ASIC5: variants seen among roughly 807,000 people sequenced by gnomAD.
ASIC5 encodes the protein bile acid-sensitive ion channel.
A neutral mutation model predicts 51.2 loss-of-function variants in ASIC5; 52 were observed. The ratio of observed to expected loss-of-function variants is 1.02; its 90% CI spans 0.81 to 1.28. The LOEUF (loss-of-function observed/expected upper bound fraction) is 1.28. Ranked by LOEUF, ASIC5 falls within the 50% of genes most tolerant of loss-of-function variation. The pLI, the probability that ASIC5 is intolerant of heterozygous loss-of-function variation, is 0.00. For missense variants in ASIC5, 635 were observed against 595.0 expected (o/e 1.07, Z -0.70); for synonymous variants, 231 against 200.7 (o/e 1.15, Z -1.28).
intron 2 of ASIC5, 123 bp downstream of exon 2, chr4:155,863,325 A>G: frequency 1.3e-6 from 1 of 741,084 alleles, no homozygotes; most frequent in Non-Finnish European, 2.1e-6. Context: ...ATTTAAGTGC[A>G]ATTTAATTCA....
intron 2 of ASIC5, among the ~76,000 whole-genome samples, chr4:155,856,373 G>A (rs1324809319): frequency 2.6e-5 from 4 of 151,956 alleles, no homozygotes; most frequent in Admixed American, 2.0e-4. Flanking sequence ...TCAAGGTAGG[G>A]CATACACAAA....
At chr4:155,844,393 C>T (rs906070777) in intron 4 of ASIC5, among the ~76,000 whole-genome samples, 1 of 152,184 alleles carries the variant, frequency 6.6e-6, no homozygotes. Context: ...CTACCTGCTT[C>T]TGCATCGGCA....
Position 155,830,868 on chromosome 4 carries a change from C to T in ASIC5, c.1328-822G>A, listed in dbSNP as rs78731477. ...CATTATTAATCATTATCTCATTGCCCTAGGCCATTCTTAGGACCATTCCGT... is the reference window on the plus strand; with the variant it reads ...CATTATTAATCATTATCTCATTGCCTTAGGCCATTCTTAGGACCATTCCGT... On this transcript the variant is annotated intron_variant, in intron 9 of 9. Transcript: ENST00000537611. Among the ~76,000 whole-genome samples the T allele has an allele frequency of 3.7e-4, 57 of 152,268 alleles. 1 individual carries two copies. In the East Asian group the frequency reaches 0.011, roughly 29 times the overall value.
At chr4:155,864,203 G>GGGC (rs1741798472) in intron 1 of ASIC5, among the ~76,000 whole-genome samples, 1 of 152,154 alleles carries the variant, frequency 6.6e-6, no homozygotes, top group African/African-American at 2.4e-5. Flanking sequence ...ACTAATGTTT[G>GGGC]TCCTATGGTG....
Position 155,829,903 on chromosome 4 carries a change from G to A in ASIC5, c.1471C>T (p.Pro491Ser). ...KISEMTQWTP[P>S]PQNHLGNKNR... is the part of the protein sequence containing the mutation. Reference sequence around the variant, plus strand: ...TTATTTCCCAGATGATTCTGAGGTGGAGGAGTCCACTGGGTCATTTCAGAT... The same window carrying A: ...TTATTTCCCAGATGATTCTGAGGTGAAGGAGTCCACTGGGTCATTTCAGAT... The change falls in exon 10 of 10, where the codon CCA (proline) becomes TCA (serine). Residue 491 changes from proline (P) to serine (S), a missense_variant. Coordinates refer to ENST00000537611, the MANE Select transcript of ASIC5 (RefSeq NM_017419.3). 1 of 1,601,906 alleles carries A rather than the reference G, an allele frequency of 6.2e-7. No individual in the cohort carries two copies. Among genetic ancestry groups the A allele is most frequent in the African/African-American group, 1.3e-5 (1 of 74,328 alleles).
At chr4:155,844,736 T>C (rs1741201030) in intron 4 of ASIC5, among the ~76,000 whole-genome samples, 1 of 152,072 alleles carries the variant, frequency 6.6e-6, no homozygotes, top group Non-Finnish European at 1.5e-5. Context: ...CCTAAGCCTT[T>C]TGGGGCATTC....
At chr4:155,851,271 T>C (rs1579292993) in intron 4 of ASIC5, among the ~76,000 whole-genome samples, 2 of 152,048 alleles carry the variant, frequency 1.3e-5, no homozygotes, top group Admixed American at 6.6e-5. Context: ...TGTAGGTACA[T>C]GCATTAAAGT....
intron 8 of ASIC5, among the ~76,000 whole-genome samples, chr4:155,832,956 C>A (rs1268814304): frequency 6.6e-6 from 1 of 152,086 alleles, no homozygotes; most frequent in African/African-American, 2.4e-5. Context: ...CTGAGAACAA[C>A]CCTCCCTGAC....
intron 9 of ASIC5, 83 bp from the exon 10 acceptor site, chr4:155,830,129 AAT>A (rs759376310): frequency 1.3e-5 from 12 of 898,736 alleles, no homozygotes; most frequent in Non-Finnish European, 2.0e-5. Flanking sequence ...GTTGAAGCAA[AAT>A]AGAGTCATAA....
intron 6 of ASIC5, among the ~76,000 whole-genome samples, chr4:155,841,578 C>G (rs1741122212): frequency 6.6e-6 from 1 of 152,072 alleles, no homozygotes; most frequent in Admixed American, 6.6e-5. Flanking sequence ...GGAAAAGTTG[C>G]AAATTGTATG....
intron 6 of ASIC5, among the ~76,000 whole-genome samples, chr4:155,841,852 C>T (rs6833338): frequency 0.1 from 15,331 of 151,978 alleles, 1,241 homozygotes; most frequent in African/African-American, 0.22. Context: ...GAAGTTGTAC[C>T]TGGCAAATGG....
intron 8 of ASIC5, 59 bp from the exon 9 acceptor site, chr4:155,831,974 C>T (rs1200856139): frequency 3.1e-5 from 27 of 884,586 alleles, no homozygotes; most frequent in Non-Finnish European, 3.6e-5. Flanking sequence ...TTTTAATTCC[C>T]GTCGAATAAA....
At chr4:155,845,821 T>C (rs1177312231) in intron 4 of ASIC5, among the ~76,000 whole-genome samples, 2 of 152,122 alleles carry the variant, frequency 1.3e-5, no homozygotes, top group African/African-American at 4.8e-5. Context: ...TTTGCTATTT[T>C]ATTTTCACCT....
chr4:155,863,876 A>G, intron 1 of ASIC5, 122 bp from the exon 2 acceptor site: 1 of 788,402 alleles, frequency 1.3e-6, no homozygotes, highest in South Asian at 1.9e-5. Flanking sequence ...TGTAATTCAT[A>G]GAAACTAAAA....
chr4:155,843,566 G>C, intron 5 of ASIC5, 115 bp downstream of exon 5: 1 of 1,170,408 alleles, frequency 8.5e-7, no homozygotes, highest in Non-Finnish European at 1.2e-6. Flanking sequence ...TGAAATTTTG[G>C]AATTTCTAAT....
chr4:155,843,434 A>T (rs1741165713), intron 5 of ASIC5, among the ~76,000 whole-genome samples: 1 of 152,036 alleles, frequency 6.6e-6, no homozygotes, highest in Non-Finnish European at 1.5e-5. Flanking sequence ...CTTTATACTT[A>T]ATGACCCTTT....
rs1560755813 is a variant in ASIC5 at position 155,863,680 on chromosome 4, G to T, written c.115C>A (p.His39Asn). The change falls in exon 2 of 10, where the codon CAT becomes AAT. Residue 39 changes from histidine (H) to asparagine (N), a missense_variant. By Grantham distance (68) the His-to-Asn change is moderately conservative (BLOSUM62 1). Coordinates refer to ENST00000537611, the MANE Select transcript of ASIC5 (RefSeq NM_017419.3). Reference sequence around the variant, plus strand: ...AAGGAAGTGGAGATGGCAAAGTCATGGTCAAACTTCTTTCGCTCAGTGGGA... The same window carrying T: ...AAGGAAGTGGAGATGGCAAAGTCATTGTCAAACTTCTTTCGCTCAGTGGGA... ...PSPTERKKFDHDFAISTSFHG... is the reference protein window; with the variant it reads ...PSPTERKKFDNDFAISTSFHG... 2 of 1,613,860 alleles carry T rather than the reference G, an allele frequency of 1.2e-6. No homozygotes were observed. The highest frequency in any genetic ancestry group is 1.7e-5 in the Admixed American group (1 of 59,974).
chr4:155,865,773 C>A (rs1170135985), intron 1 of ASIC5, among the ~76,000 whole-genome samples: 1 of 152,040 alleles, frequency 6.6e-6, no homozygotes, highest in East Asian at 1.9e-4. Context: ...AAAGCAGAAA[C>A]TTCTTACTCT....
Position 155,843,710 on chromosome 4 carries a change from G to A in ASIC5, c.832C>T (p.His278Tyr). The stretch of plus-strand genomic sequence containing the variant: ...ACTTGGCGGATGGTTACCCTTGCGT[G>A]CATTCCCACAGGTGACAACAAGCCT... ...GLGLLSPVGM[H>Y]ARVTIRQVKT... Residue 278 changes from histidine (H) to tyrosine (Y), a missense_variant, in exon 5 of 10, where the codon CAC becomes TAC. By Grantham distance (83) the His-to-Tyr change is moderately conservative. Coordinates refer to ENST00000537611, the MANE Select transcript of ASIC5 (RefSeq NM_017419.3). 6.2e-7 allele frequency: 1 copy of A among 1,613,544 alleles called. No homozygotes were observed.
Sources: gnomAD v4.1 joint callset for allele counts (sites outside exome capture counted in the v4.1 genomes callset) on GRCh38, gnomAD v4.1.1 for gene constraint, MANE v1.5 for transcripts, NCBI Gene and HGNC (gene_info 2026-07-23, HGNC 2026-07-21) for gene names.